CDH18: variants seen among roughly 807,000 people sequenced by gnomAD.
CDH18 encodes the protein cadherin-18.
A neutral mutation model predicts 67.9 loss-of-function variants in CDH18; 31 were observed. That is an observed-to-expected ratio of 0.46 (90% CI 0.34 to 0.62). The LOEUF is 0.62. Among genes scored for constraint, CDH18 ranks in the 20% least tolerant of loss-of-function variants. CDH18 has a pLI of 0.01. For missense variants in CDH18, 890 were observed against 975.5 expected (o/e 0.91, Z 1.17); for synonymous variants, 362 against 347.2 (o/e 1.04, Z -0.48).
chr5:20,060,642 A>G (rs994342607), intron 2 of CDH18, among the ~76,000 whole-genome samples: 53 of 152,278 alleles, frequency 3.5e-4, no homozygotes, highest in African/African-American at 1.2e-3. Context: ...AGCATACATA[A>G]TTTAGTAGAA....
chr5:19,910,393 T>C (rs1791002466), intron 2 of CDH18, among the ~76,000 whole-genome samples: 1 of 152,102 alleles, frequency 6.6e-6, no homozygotes, highest in Admixed American at 6.6e-5. Flanking sequence ...GGATCTACGC[T>C]CCATTAAGCT....
chr5:19,818,624 G>A (rs1411123750), intron 3 of CDH18, among the ~76,000 whole-genome samples: 2 of 152,096 alleles, frequency 1.3e-5, no homozygotes, highest in Non-Finnish European at 2.9e-5. Flanking sequence ...CACAAACCGA[G>A]ATGCAATAGC....
intron 1 of CDH18, among the ~76,000 whole-genome samples, chr5:20,291,639 GT>G (rs1747110248): frequency 6.6e-6 from 1 of 152,082 alleles, no homozygotes; most frequent in Non-Finnish European, 1.5e-5. Flanking sequence ...CATGAGATGT[GT>G]TTTGTTTAGA....
chr5:19,867,454 A>G (rs1785681340), intron 2 of CDH18, among the ~76,000 whole-genome samples: 1 of 152,174 alleles, frequency 6.6e-6, no homozygotes, highest in African/African-American at 2.4e-5. Flanking sequence ...TTACCCATCT[A>G]TATTTTTACA....
At chr5:20,544,398 A>G (rs4412119) in intron 1 of CDH18, among the ~76,000 whole-genome samples, 66,594 of 151,522 alleles carry the variant, frequency 0.44, 14,998 homozygotes, top group East Asian at 0.57. Context: ...GTATATATAT[A>G]TCATATTAAT....
intron 1 of CDH18, among the ~76,000 whole-genome samples, chr5:20,489,917 C>T (rs1372463625): frequency 1.1e-4 from 17 of 151,522 alleles, no homozygotes; most frequent in Admixed American, 9.2e-4. Context: ...CTAATAGATT[C>T]AACTTTACTA....
chr5:20,134,114 A>T (rs1749496340), intron 2 of CDH18, among the ~76,000 whole-genome samples: 1 of 151,924 alleles, frequency 6.6e-6, no homozygotes, highest in East Asian at 1.9e-4. Context: ...GGATCACAGG[A>T]CTGTGTCACC....
At chr5:19,507,606 G>T (rs1744411793) in intron 10 of CDH18, among the ~76,000 whole-genome samples, 1 of 152,078 alleles carries the variant, frequency 6.6e-6, no homozygotes, top group Admixed American at 6.6e-5. Flanking sequence ...TCCTTTGTAG[G>T]GACATGGATG....
intron 2 of CDH18, among the ~76,000 whole-genome samples, chr5:20,218,880 AC>A (rs1740993791): frequency 8.8e-6 from 1 of 114,016 alleles, no homozygotes; most frequent in African/African-American, 2.9e-5. Context: ...ATACAGACGT[AC>A]TAAGAGGGGA....
intron 5 of CDH18, among the ~76,000 whole-genome samples, chr5:19,623,431 C>A (rs562109834): frequency 2.0e-5 from 3 of 152,202 alleles, no homozygotes; most frequent in African/African-American, 7.2e-5. Context: ...AGTTATATTT[C>A]ATTTCTAGAT....
At chr5:20,391,940 T>C (rs1199347929) in intron 1 of CDH18, among the ~76,000 whole-genome samples, 1 of 3,030 alleles carries the variant, frequency 3.3e-4, no homozygotes, top group Non-Finnish European at 0.019. Flanking sequence ...AATTTATTGT[T>C]ATAGCATAAA....
intron 2 of CDH18, among the ~76,000 whole-genome samples, chr5:20,246,458 C>T (rs1470171173): frequency 6.6e-6 from 1 of 152,076 alleles, no homozygotes; most frequent in Non-Finnish European, 1.5e-5. Flanking sequence ...AGAATTTAAT[C>T]AAAGGTATAA....
At chr5:20,165,378 C>T (rs1017658831) in intron 2 of CDH18, among the ~76,000 whole-genome samples, 1 of 151,956 alleles carries the variant, frequency 6.6e-6, no homozygotes, top group Non-Finnish European at 1.5e-5. Flanking sequence ...CAATCTCTGT[C>T]ATTTGAGGAC....
At chr5:20,260,400 T>G (rs1013356913) in intron 1 of CDH18, among the ~76,000 whole-genome samples, 4 of 152,038 alleles carry the variant, frequency 2.6e-5, no homozygotes, top group African/African-American at 9.7e-5. Flanking sequence ...GGGGCTCTAC[T>G]TACGGAATTA....
At chr5:19,920,199 C>T (rs974542880) in intron 2 of CDH18, among the ~76,000 whole-genome samples, 1 of 152,138 alleles carries the variant, frequency 6.6e-6, no homozygotes, top group Admixed American at 6.5e-5. Flanking sequence ...TAATTCATAT[C>T]TTAGAGAAAA....
At chr5:19,904,812 A>G (rs1402383528) in intron 2 of CDH18, among the ~76,000 whole-genome samples, 6 of 152,206 alleles carry the variant, frequency 3.9e-5, no homozygotes, top group Admixed American at 2.0e-4. Flanking sequence ...TTATAAAAAC[A>G]TATCTTCATA....
chr5:19,925,659 T>G (rs1343871980), intron 2 of CDH18, among the ~76,000 whole-genome samples: 1 of 152,002 alleles, frequency 6.6e-6, no homozygotes, highest in Non-Finnish European at 1.5e-5. Flanking sequence ...GGTTAATTTT[T>G]GTATGTTTAG....
intron 2 of CDH18, among the ~76,000 whole-genome samples, chr5:20,101,750 C>T (rs1326635563): frequency 3.3e-5 from 5 of 152,116 alleles, no homozygotes; most frequent in Non-Finnish European, 5.9e-5. Context: ...AGACAATGCA[C>T]CAATCTGATA....
At chr5:20,133,417 GA>G (rs1324891193) in intron 2 of CDH18, among the ~76,000 whole-genome samples, 3 of 151,960 alleles carry the variant, frequency 2.0e-5, no homozygotes, top group African/African-American at 7.2e-5. Context: ...AACACCATGG[GA>G]AAAAACCTCC....
Sources: gnomAD v4.1 joint callset for allele counts (sites outside exome capture counted in the v4.1 genomes callset) on GRCh38, gnomAD v4.1.1 for gene constraint, MANE v1.5 for transcripts, NCBI Gene and HGNC (gene_info 2026-07-23, HGNC 2026-07-21) for gene names.